The following ASIC2 variants were observed in gnomAD, a reference collection of about 807,000 sequenced individuals.
The protein encoded by ASIC2 is acid-sensing ion channel 2.
Under a neutral mutation model 57.3 loss-of-function variants are expected in ASIC2, and 25 were observed. That is an observed-to-expected ratio of 0.44 (90% CI 0.32 to 0.61). The LOEUF is 0.61. Ranked by LOEUF, ASIC2 falls within the 20% of genes least tolerant of loss-of-function variation. The pLI is 0.06. For missense variants in ASIC2, 641 were observed against 738.1 expected (o/e 0.87, Z 1.52); for synonymous variants, 319 against 307.5 (o/e 1.04, Z -0.39).
chr17:33,440,782 A>G (rs1025565520), intron 1 of ASIC2, among the ~76,000 whole-genome samples: 1 of 152,206 alleles, frequency 6.6e-6, no homozygotes, highest in Non-Finnish European at 1.5e-5. Flanking sequence ...TGTGTACTCA[A>G]ATCTTTTACT....
intron 1 of ASIC2, among the ~76,000 whole-genome samples, chr17:34,016,940 T>C (rs1226346659): frequency 6.6e-6 from 1 of 152,224 alleles, no homozygotes; most frequent in East Asian, 1.9e-4. Context: ...AAACCTGAAA[T>C]GTGCCTCATT....
chr17:34,118,289 G>C (rs1363143061), intron 1 of ASIC2: 1 of 152,210 alleles, frequency 6.6e-6, no homozygotes, highest in African/African-American at 2.4e-5. Flanking sequence ...AAGAGGCTCA[G>C]GATGGCATCT....
chr17:33,257,373 CA>C (rs1423666883), intron 1 of ASIC2, among the ~76,000 whole-genome samples: 2 of 152,214 alleles, frequency 1.3e-5, no homozygotes, highest in African/African-American at 4.8e-5. Context: ...GTCTCTCAAT[CA>C]AGCAATATTT....
chr17:33,951,524 A>C (rs1277900150), intron 1 of ASIC2, among the ~76,000 whole-genome samples: 2 of 152,074 alleles, frequency 1.3e-5, no homozygotes, highest in African/African-American at 4.8e-5. Context: ...AGCAGCAGAC[A>C]CTGTGGGTGC....
chr17:33,715,570 T>C (rs1007256917), intron 1 of ASIC2, among the ~76,000 whole-genome samples: 1 of 152,182 alleles, frequency 6.6e-6, no homozygotes, highest in Admixed American at 6.5e-5. Context: ...TACTGTGGCA[T>C]TGTAATGGCA....
intron 1 of ASIC2, among the ~76,000 whole-genome samples, chr17:33,854,504 C>G (rs1001542807): frequency 3.9e-5 from 6 of 152,174 alleles, no homozygotes; most frequent in African/African-American, 1.4e-4. Flanking sequence ...AATATACTTG[C>G]TTGGAACATG....
intron 1 of ASIC2, among the ~76,000 whole-genome samples, chr17:33,476,535 A>ATATATATATATG (rs1491353193): frequency 4.2e-5 from 4 of 95,078 alleles, no homozygotes; most frequent in African/African-American, 1.8e-4. Flanking sequence ...ATATATATAT[A>ATATATATATATG]TGTACAGGGG....
chr17:33,830,124 T>C (rs1395467050), intron 1 of ASIC2, among the ~76,000 whole-genome samples: 1 of 152,190 alleles, frequency 6.6e-6, no homozygotes, highest in Non-Finnish European at 1.5e-5. Flanking sequence ...AGCTCTTCCT[T>C]ATAATTAAGC....
chr17:33,624,230 A>C (rs1446044952), intron 1 of ASIC2: 7 of 152,370 alleles, frequency 4.6e-5, no homozygotes, highest in South Asian at 2.1e-4. Context: ...TATCAGCAGA[A>C]GAAAAGATCC....
At chr17:33,247,386 G>A (rs1567797760) in intron 1 of ASIC2, among the ~76,000 whole-genome samples, 1 of 152,192 alleles carries the variant, frequency 6.6e-6, no homozygotes, top group Non-Finnish European at 1.5e-5. Context: ...GAGGGCCTGA[G>A]AGATCTTAGG....
At chr17:33,841,869 C>CT (rs1363564272) in intron 1 of ASIC2, among the ~76,000 whole-genome samples, 1 of 152,208 alleles carries the variant, frequency 6.6e-6, no homozygotes, top group African/African-American at 2.4e-5. Context: ...CAGGGTTTTA[C>CT]TAGGGGCCTA....
chr17:33,107,064 T>C (rs1159226186), intron 2 of ASIC2, among the ~76,000 whole-genome samples: 1 of 152,200 alleles, frequency 6.6e-6, no homozygotes, highest in Non-Finnish European at 1.5e-5. Context: ...CCTAAGCTTG[T>C]TTGATTCAGG....
chr17:33,770,701 G>T (rs1911074002), intron 1 of ASIC2, among the ~76,000 whole-genome samples: 1 of 152,168 alleles, frequency 6.6e-6, no homozygotes, highest in South Asian at 2.1e-4. Flanking sequence ...CCCCACATCA[G>T]CTGGGTACTC....
chr17:33,812,993 G>A (rs1230318597), intron 1 of ASIC2, among the ~76,000 whole-genome samples: 1 of 152,112 alleles, frequency 6.6e-6, no homozygotes, highest in Non-Finnish European at 1.5e-5. Flanking sequence ...TTTGGCTCAG[G>A]GTGAGCTGCT....
intron 1 of ASIC2, among the ~76,000 whole-genome samples, chr17:33,384,447 G>T (rs547032063): frequency 5.9e-5 from 9 of 152,254 alleles, no homozygotes; most frequent in African/African-American, 1.7e-4. Flanking sequence ...TGTCAGGAGT[G>T]TTATGGGAGG....
At chr17:33,214,514 T>C (rs1907401358) in intron 1 of ASIC2, among the ~76,000 whole-genome samples, 1 of 152,236 alleles carries the variant, frequency 6.6e-6, no homozygotes, top group Non-Finnish European at 1.5e-5. Context: ...CCCTTTATCC[T>C]TCAATTGGTG....
chr17:33,374,670 T>C (rs544516144), intron 1 of ASIC2, among the ~76,000 whole-genome samples: 58 of 152,336 alleles, frequency 3.8e-4, no homozygotes, highest in African/African-American at 1.3e-3. Flanking sequence ...ATTACAGTTC[T>C]CTCAGCATAG....
Position 33,610,054 on chromosome 17 carries a change from G to A in ASIC2, c.556-497987C>T, listed in dbSNP as rs368037432. ...CTTCACTGGGACCCTGGACAGAGGC[G>A]CACACACACACACACACACACACAC... is the stretch of plus-strand genomic sequence containing the variant. On this transcript the variant is annotated intron_variant, in intron 1 of 9. Coordinates refer to the ASIC2 transcript ENST00000359872. Among the ~76,000 whole-genome samples the A allele has an allele frequency of 7.1e-3, 1,026 of 144,830 alleles. 17 individuals carry two copies. The highest frequency in any genetic ancestry group is 0.024 in the African/African-American group (910 of 38,420).
At chr17:34,040,062 G>T in intron 1 of ASIC2, among the ~76,000 whole-genome samples, 1 of 145,502 alleles carries the variant, frequency 6.9e-6, no homozygotes, top group Non-Finnish European at 1.5e-5. Flanking sequence ...GCGGGCGGGG[G>T]AGGGGGGGCA....
Sources: allele counts gnomAD v4.1 joint callset (sites outside exome capture counted in the v4.1 genomes callset), GRCh38; gene constraint gnomAD v4.1.1; transcripts MANE v1.5; gene names NCBI Gene and HGNC (gene_info 2026-07-23, HGNC 2026-07-21).